WDR26: variants seen among roughly 807,000 people sequenced by gnomAD.
The protein encoded by WDR26 is WD repeat-containing protein 26.
In WDR26, 5 loss-of-function variants were observed where a neutral mutation model predicts 84.1. The ratio of observed to expected loss-of-function variants is 0.06; its 90% confidence interval spans 0.03 to 0.13. The LOEUF (loss-of-function observed/expected upper bound fraction) is 0.13. Among genes scored for constraint, WDR26 ranks in the 10% least tolerant of loss-of-function variants. WDR26 has a pLI of 1.00. For missense variants in WDR26, 642 were observed against 974.9 expected, an observed-to-expected ratio of 0.66 and a Z score of 4.55; for synonymous variants, 415 against 389.6, an observed-to-expected ratio of 1.07 and a Z score of -0.77.
chr1:224,416,314 G>A (rs1231743178), intron 6 of WDR26, among the ~76,000 whole-genome samples: 2 of 151,204 alleles, frequency 1.3e-5, no homozygotes, highest in African/African-American at 4.9e-5. Flanking sequence ...TGCAAGCTCC[G>A]CCTCCTGGGT....
rs1334746579 is a variant in WDR26 at position 224,385,617 on chromosome 1, G to A, written c.*4218C>T. On this transcript the variant is annotated 3_prime_UTR_variant, in exon 14 of 14. Coordinates refer to ENST00000414423, the MANE Select transcript of WDR26 (RefSeq NM_001379403.1). ...AATCTTGACAATTTAGAAATCTTGAGATCAACACTTAAGTTCTTTTCTTGA... is the reference window on the plus strand; with the variant it reads ...AATCTTGACAATTTAGAAATCTTGAAATCAACACTTAAGTTCTTTTCTTGA... 1 of 152,604 alleles carries A rather than the reference G, an allele frequency of 6.6e-6. No homozygotes were observed. The highest frequency in any genetic ancestry group is 1.5e-5 in the Non-Finnish European group (1 of 68,034). 9.5% of individuals were successfully genotyped at this position (152,604 alleles called of 1,614,324 possible).
At chr1:224,430,691 CA>C (rs1408769888) in intron 3 of WDR26, 2 of 152,174 alleles carry the variant, frequency 1.3e-5, no homozygotes, top group African/African-American at 4.8e-5. Flanking sequence ...CTTTTGACAA[CA>C]AATGAATCAG....
chr1:224,408,259 C>G (rs1297221254), intron 7 of WDR26, among the ~76,000 whole-genome samples: 1 of 152,188 alleles, frequency 6.6e-6, no homozygotes, highest in Non-Finnish European at 1.5e-5. Flanking sequence ...TAGTTCTTTA[C>G]CTCTTCTTCA....
At chr1:224,401,811 TAGAA>T (rs2102895292) in intron 8 of WDR26, among the ~76,000 whole-genome samples, 1 of 150,762 alleles carries the variant, frequency 6.6e-6, no homozygotes, top group South Asian at 2.1e-4. Context: ...GTAGGGAAGG[TAGAA>T]AGAGAGAAAA....
chr1:224,417,492 T>C (rs1041270863), intron 6 of WDR26, among the ~76,000 whole-genome samples: 5 of 152,308 alleles, frequency 3.3e-5, no homozygotes, highest in Non-Finnish European at 5.9e-5. Flanking sequence ...ATCGATTGCT[T>C]GAGACCAGAA....
rs974388134 is a variant in WDR26 at position 224,423,750 on chromosome 1, C to T, written c.1064+768G>A. ...TACAACTGAGACATCTATTAAACAT[C>T]CAAGTGGAGAATGTCAGGTATGCCA... On this transcript the variant is annotated intron_variant, in intron 4 of 13. Transcript: ENST00000414423. Among the ~76,000 whole-genome samples, 4 of 152,218 alleles carry T rather than the reference C, an allele frequency of 2.6e-5. No homozygotes were observed. In the East Asian group the frequency reaches 7.7e-4, roughly 29 times the overall value.
At chr1:224,394,908 A>C (rs1470337620) in intron 12 of WDR26, among the ~76,000 whole-genome samples, 1 of 152,210 alleles carries the variant, frequency 6.6e-6, no homozygotes, top group Non-Finnish European at 1.5e-5. Flanking sequence ...CCTGCTCAAG[A>C]GCTTACTAGT....
intron 3 of WDR26, among the ~76,000 whole-genome samples, chr1:224,425,484 C>T (rs1329110517): frequency 6.6e-6 from 1 of 152,220 alleles, no homozygotes; most frequent in Non-Finnish European, 1.5e-5. Flanking sequence ...AGCTGTGAGA[C>T]ACTTTCACAT....
intron 6 of WDR26, 136 bp from the exon 7 acceptor site, chr1:224,411,701 A>AAT: frequency 9.7e-7 from 1 of 1,034,130 alleles, no homozygotes. Context: ...TGCATTTGTA[A>AAT]ATCTTTTTTT....
intron 11 of WDR26, 30 bp downstream of exon 11, chr1:224,398,485 T>G (rs1673321778): frequency 6.4e-7 from 1 of 1,565,028 alleles, no homozygotes; most frequent in Non-Finnish European, 8.6e-7. Context: ...CTAAGCCAAA[T>G]TTTTCAGAAA....
rs77434348 is a variant in WDR26 at position 224,411,257 on chromosome 1, A to G, written c.1458+170T>C. Among the ~76,000 whole-genome samples the G allele has an allele frequency of 2.3e-4, 35 of 152,264 alleles. No homozygotes were observed. The East Asian group carries it at 6.8e-3, about 29-fold the overall frequency. On this transcript the variant is annotated intron_variant, in intron 7 of 13. Coordinates refer to ENST00000414423, the MANE Select transcript of WDR26 (RefSeq NM_001379403.1). ...ACATAAACACTCAACAATGTTGATA[A>G]TATTAACTTACATATATTATCTATA...
chr1:224,395,296 T>C (rs990288922), intron 12 of WDR26, among the ~76,000 whole-genome samples: 2 of 152,202 alleles, frequency 1.3e-5, no homozygotes, highest in Non-Finnish European at 2.9e-5. Flanking sequence ...GTGATGGTTC[T>C]TGAACAGAGG....
chr1:224,407,990 A>C (rs1673629631), intron 7 of WDR26, among the ~76,000 whole-genome samples: 1 of 152,224 alleles, frequency 6.6e-6, no homozygotes, highest in Non-Finnish European at 1.5e-5. Flanking sequence ...TGCATTTCCC[A>C]AGCTAATCTG....
intron 6 of WDR26, among the ~76,000 whole-genome samples, chr1:224,415,442 C>T (rs1673866540): frequency 7.1e-6 from 1 of 141,612 alleles, no homozygotes; most frequent in Non-Finnish European, 1.5e-5. Flanking sequence ...TTCTGGAACA[C>T]GTATTTCTTT....
chr1:224,394,946 A>C (rs1437075256), intron 12 of WDR26, among the ~76,000 whole-genome samples: 17 of 152,210 alleles, frequency 1.1e-4, no homozygotes, highest in Non-Finnish European at 5.9e-5. Flanking sequence ...CCTTATCTGC[A>C]TCATGATATG....
chr1:224,396,848 C>T (rs541014693), intron 12 of WDR26, among the ~76,000 whole-genome samples: 1 of 151,790 alleles, frequency 6.6e-6, no homozygotes, highest in East Asian at 1.9e-4. Context: ...CTGCTTGAGC[C>T]CAGGAGGTGG....
chr1:224,413,476 C>T (rs1258699809), intron 6 of WDR26: 2 of 272,314 alleles, frequency 7.3e-6, no homozygotes, highest in Non-Finnish European at 1.5e-5. Flanking sequence ...TACTACTATA[C>T]ATGTGTGATT....
intron 7 of WDR26, among the ~76,000 whole-genome samples, chr1:224,404,959 T>C (rs149351984): frequency 2.4e-4 from 36 of 152,330 alleles, no homozygotes; most frequent in African/African-American, 8.2e-4. Context: ...TACCATAAAA[T>C]TCATCCTTTT....
chr1:224,423,694 T>C (rs1041169579), intron 4 of WDR26, among the ~76,000 whole-genome samples: 2 of 152,198 alleles, frequency 1.3e-5, no homozygotes, highest in African/African-American at 4.8e-5. Context: ...GTGGCAGTGA[T>C]CTATGATTGT....
Sources: allele counts gnomAD v4.1 joint callset (sites outside exome capture counted in the v4.1 genomes callset), GRCh38; gene constraint gnomAD v4.1.1; transcripts MANE v1.5; gene names NCBI Gene and HGNC (gene_info 2026-07-23, HGNC 2026-07-21).